Variants in ARHGEF7 observed in about 807,000 individuals in gnomAD.
ARHGEF7 encodes the protein PAK-interacting exchange factor beta.
In ARHGEF7, 33 loss-of-function variants were observed where a neutral mutation model predicts 109.8. That is an observed-to-expected ratio of 0.30 (90% CI 0.23 to 0.40). ARHGEF7 has a LOEUF of 0.40. ARHGEF7 is among the 10% of genes least tolerant of loss of function. The pLI is 1.00. For missense variants in ARHGEF7, 938 were observed against 1,098.5 expected (o/e 0.85, Z 2.07); for synonymous variants, 458 against 424.6 (o/e 1.08, Z -0.97).
At chr13:111,196,354 A>G (rs2080497794) in intron 2 of ARHGEF7, among the ~76,000 whole-genome samples, 2 of 152,214 alleles carry the variant, frequency 1.3e-5, no homozygotes, top group Admixed American at 6.5e-5. Context: ...TTACTTGACT[A>G]AGATACCAGG....
At position 111,223,016 on chromosome 13, in the gene ARHGEF7, G is replaced by A. The variant is rs555981047; in HGVS notation, c.670+5136G>A. ...TTGTTCTATTTCATTATTAGTTGTT[G>A]TTAATCCATTATTGTACCTAATTTC... On this transcript the variant is annotated intron_variant, in intron 5 of 21. Coordinates refer to ENST00000646102, the MANE Select transcript of ARHGEF7 (RefSeq NM_001354046.2). Among the ~76,000 whole-genome samples the A allele has an allele frequency of 2.0e-5, 3 of 152,290 alleles. No homozygotes were observed. In the South Asian group the frequency reaches 6.2e-4, roughly 32 times the overall value.
intron 5 of ARHGEF7, among the ~76,000 whole-genome samples, chr13:111,222,733 C>G (rs960882125): frequency 6.6e-6 from 1 of 152,228 alleles, no homozygotes; most frequent in Non-Finnish European, 1.5e-5. Flanking sequence ...CCAGCCCAGT[C>G]TGAGTTTAAC....
Position 111,280,552 on chromosome 13 carries a change from C to T in ARHGEF7, c.1600C>T (p.Arg534Trp), listed in dbSNP as rs758474286. ...AFEISGSMIE[R>W]ILVSCNNQQD... ...CTCTCCTATAGGGAGCATGATTGAG[C>T]GGATATTAGTGTCGTGCAACAACCA... The change falls in exon 15 of 22, where the codon CGG becomes TGG. Residue 534 changes from arginine (R) to tryptophan (W), a missense_variant. Transcript: ENST00000646102. 9 of 1,604,518 alleles carry T rather than the reference C, an allele frequency of 5.6e-6. No individual in the cohort carries two copies. Among genetic ancestry groups the T allele is most frequent in the Non-Finnish European group, 7.7e-6 (9 of 1,176,424 alleles).
Position 111,221,323 on chromosome 13 carries a change from ATATATG to A in ARHGEF7, c.670+3445_670+3450del, listed in dbSNP as rs1199554496. Among the ~76,000 whole-genome samples, 2 of 18,058 alleles carry A rather than the reference ATATATG, an allele frequency of 1.1e-4. 1 individual carries two copies. The highest frequency in any genetic ancestry group is 2.1e-3 in the Admixed American group (2 of 962). The allele number at this position is 18,058 out of a possible 152,430, so 11.8% of individuals were successfully genotyped here. On this transcript the variant is annotated intron_variant, in intron 5 of 21. Transcript: ENST00000646102. ...TGTCTATATATATCTATATATAGAT[ATATATG>A]TCTATATATATCTATATATATGTCT... is the stretch of plus-strand genomic sequence containing the variant.
chr13:111,185,180 T>G (rs1373615467), intron 2 of ARHGEF7: 1 of 152,258 alleles, frequency 6.6e-6, no homozygotes, highest in Non-Finnish European at 1.5e-5. Flanking sequence ...GTCTGGGTGC[T>G]GAGCTTCCCA....
At chr13:111,164,219 A>G (rs989885383) in intron 2 of ARHGEF7, among the ~76,000 whole-genome samples, 1 of 152,246 alleles carries the variant, frequency 6.6e-6, no homozygotes, top group East Asian at 1.9e-4. Flanking sequence ...TTAGCAGATC[A>G]GGAGGCTGAG....
intron 2 of ARHGEF7, among the ~76,000 whole-genome samples, chr13:111,204,082 G>A (rs544501915): frequency 6.6e-6 from 1 of 152,270 alleles, no homozygotes; most frequent in East Asian, 1.9e-4. Flanking sequence ...GGACCTGACC[G>A]GGTGTGGTGG....
At chr13:111,149,433 T>C (rs147677860) in intron 1 of ARHGEF7, among the ~76,000 whole-genome samples, 66 of 152,356 alleles carry the variant, frequency 4.3e-4, no homozygotes, top group African/African-American at 1.5e-3. Flanking sequence ...CTCTTAAATG[T>C]AGAGTCAATT....
Position 111,277,613 on chromosome 13 carries a change from C to G in ARHGEF7, c.1446C>G (p.Leu482=), listed in dbSNP as rs1818321477. 1.2e-6 allele frequency: 2 copies of G among 1,606,828 alleles called. No individual in the cohort carries two copies. Among genetic ancestry groups the G allele is most frequent in the Non-Finnish European group, 1.7e-6 (2 of 1,173,866 alleles). The change falls in exon 13 of 22, where the codon CTC becomes CTG. Residue 482 remains leucine (L), a synonymous_variant. Transcript: ENST00000646102. ...AAAAGAATGAAAGATATCTTCTACT[C>G]TTCCCAAATGTTTTGCTAATGTTGT... The part of the protein sequence containing the change: ...SEEKNERYLL[L]FPNVLLMLSA...
At chr13:111,115,145 C>T (rs980188312), upstream of ARHGEF7, 2 of 148,154 alleles carry the variant, frequency 1.3e-5, no homozygotes, top group Non-Finnish European at 3.0e-5. Context: ...CCCGCCCGCT[C>T]CCAGCCGCCG....
chr13:111,197,586 G>T (rs1342845955), intron 2 of ARHGEF7, among the ~76,000 whole-genome samples: 1 of 152,184 alleles, frequency 6.6e-6, no homozygotes, highest in Non-Finnish European at 1.5e-5. Context: ...AGGGAGAGAA[G>T]GGATCTCCAG....
At chr13:111,215,023 G>C (rs188069659) in intron 4 of ARHGEF7, among the ~76,000 whole-genome samples, 1 of 151,772 alleles carries the variant, frequency 6.6e-6, no homozygotes, top group Admixed American at 6.5e-5. Context: ...CCTGCTATTA[G>C]GAAAAAACAG....
chr13:111,229,107 C>T (rs1196012124), intron 5 of ARHGEF7, among the ~76,000 whole-genome samples: 1 of 152,026 alleles, frequency 6.6e-6, no homozygotes, highest in East Asian at 1.9e-4. Context: ...CCTCGCCCAG[C>T]TGTGCAGCGT....
chr13:111,293,070 C>A (rs1377801421), intron 19 of ARHGEF7: 1 of 985,326 alleles, frequency 1.0e-6, no homozygotes, highest in African/African-American at 1.7e-5. Flanking sequence ...CCCTGAATTG[C>A]AGTGATTTCT....
chr13:111,268,327 T>C (rs1368670499), intron 9 of ARHGEF7, among the ~76,000 whole-genome samples: 2 of 152,182 alleles, frequency 1.3e-5, no homozygotes, highest in East Asian at 3.8e-4. Context: ...CACTTTCTGC[T>C]TCTAAAAAGA....
intron 8 of ARHGEF7, among the ~76,000 whole-genome samples, chr13:111,262,293 G>C (rs1566995797): frequency 6.6e-6 from 1 of 152,182 alleles, no homozygotes; most frequent in East Asian, 1.9e-4. Context: ...CTCACTAGAG[G>C]CTACTGTGAA....
rs1473645179 is a variant in ARHGEF7, at chr13:111,217,711, A to G, written c.501A>G (p.Val167=). The G allele has an allele frequency of 6.2e-7, 1 of 1,614,124 alleles. No individual in the cohort carries two copies. The highest frequency in any genetic ancestry group is 8.5e-7 in the Non-Finnish European group (1 of 1,180,040). Residue 167 remains valine (V), a synonymous_variant, in exon 5 of 22, where the codon GTA becomes GTG. Coordinates refer to ENST00000646102, the MANE Select transcript of ARHGEF7 (RefSeq NM_001354046.2). ...CCGATAATAGCAACAATCAACTGGT[A>G]GTAAGAGCAAAGTTTAACTTCCAGC... ...DMTDNSNNQL[V]VRAKFNFQQT...
At chr13:111,288,261 T>G in intron 17 of ARHGEF7, 93 bp from the exon 18 acceptor site, 1 of 640,756 alleles carries the variant, frequency 1.6e-6, no homozygotes, top group East Asian at 2.8e-5. Context: ...ACTTGGTCAC[T>G]TTGGTCGAGT....
At chr13:111,282,925 T>C (rs2092847357) in intron 15 of ARHGEF7, 1 of 692,446 alleles carries the variant, frequency 1.4e-6, no homozygotes, top group Non-Finnish European at 2.4e-6. Context: ...GCAGACGCCG[T>C]GAGGAGCCCC....
Sources: allele counts gnomAD v4.1 joint callset (sites outside exome capture counted in the v4.1 genomes callset), GRCh38; gene constraint gnomAD v4.1.1; transcripts MANE v1.5; gene names NCBI Gene and HGNC (gene_info 2026-07-23, HGNC 2026-07-21).